Variants in AGBL4 observed in about 807,000 individuals in gnomAD.
AGBL4 encodes the protein cytosolic carboxypeptidase 6.
AGBL4 carries 58 observed loss-of-function variants against 66.4 expected under a neutral mutation model. The observed-to-expected ratio is 0.87, with a 90% CI of 0.71 to 1.09. The LOEUF is 1.09. AGBL4 is among the 50% of genes least tolerant of loss of function. The probability of loss-of-function intolerance (pLI) is 0.00; values close to 1 mark genes in which losing one functional copy is unlikely to be tolerated. For missense variants in AGBL4, 579 were observed against 631.0 expected (o/e 0.92, Z 0.88); for synonymous variants, 234 against 222.9 (o/e 1.05, Z -0.44).
intron 3 of AGBL4, among the ~76,000 whole-genome samples, chr1:49,265,972 G>T (rs1446592384): frequency 6.6e-6 from 1 of 152,076 alleles, no homozygotes; most frequent in Non-Finnish European, 1.5e-5. Context: ...AAAAAATGCT[G>T]AACAATCCTG....
At chr1:49,715,330 G>A (rs1276056572) in intron 2 of AGBL4, among the ~76,000 whole-genome samples, 4 of 152,148 alleles carry the variant, frequency 2.6e-5, no homozygotes, top group African/African-American at 9.7e-5. Flanking sequence ...ATTCTATGGT[G>A]TATATATGCC....
chr1:49,231,670 T>C (rs1430514361), intron 4 of AGBL4, among the ~76,000 whole-genome samples: 1 of 152,160 alleles, frequency 6.6e-6, no homozygotes, highest in African/African-American at 2.4e-5. Flanking sequence ...AACCCATACA[T>C]ACCACATTCA....
intron 3 of AGBL4, among the ~76,000 whole-genome samples, chr1:49,328,161 C>A (rs568838561): frequency 6.6e-6 from 1 of 152,090 alleles, no homozygotes; most frequent in Non-Finnish European, 1.5e-5. Context: ...TGAGGCCATG[C>A]CTTCCAAGAT....
Position 48,567,484 on chromosome 1 carries a change from G to A in AGBL4, c.1267+19520C>T, listed in dbSNP as rs754482460. On this transcript the variant is annotated intron_variant, in intron 11 of 13. Coordinates refer to ENST00000371839, the MANE Select transcript of AGBL4 (RefSeq NM_032785.4). Reference sequence around the variant, plus strand: ...GAGATGTTAATACAGAATAATCTAGGGGCAGCTCTCAAAGCTATAGCAGAG... The same window carrying A: ...GAGATGTTAATACAGAATAATCTAGAGGCAGCTCTCAAAGCTATAGCAGAG... 5.9e-5 allele frequency among the ~76,000 whole-genome samples: 9 copies of A among 152,274 alleles called. No individual in the cohort carries two copies. The South Asian group carries it at 1.9e-3, about 32-fold the overall frequency.
At chr1:49,882,477 G>A (rs532576372) in intron 1 of AGBL4, among the ~76,000 whole-genome samples, 4 of 151,588 alleles carry the variant, frequency 2.6e-5, no homozygotes, top group African/African-American at 9.7e-5. Flanking sequence ...ATTACCTTGG[G>A]CAGTATGGCC....
chr1:49,824,406 C>T lies in AGBL4; in HGVS notation c.157+26990G>A, dbSNP rs147609092. The stretch of plus-strand genomic sequence containing the variant: ...AGTTAACAAGTGTTTACTAACAATG[C>T]TAAGCTCTGTGTTTGAGCCTCACGA... On this transcript the variant is annotated intron_variant, in intron 2 of 13. Coordinates refer to ENST00000371839, the MANE Select transcript of AGBL4 (RefSeq NM_032785.4). Among the ~76,000 whole-genome samples, 340 of 152,292 alleles carry T rather than the reference C, an allele frequency of 2.2e-3. 4 individuals carry two copies. Among genetic ancestry groups the T allele is most frequent in the African/African-American group, 7.9e-3 (327 of 41,560 alleles).
Position 49,681,736 on chromosome 1 carries a change from A to T in AGBL4, c.282+15577T>A, listed in dbSNP as rs115406888. Among the ~76,000 whole-genome samples the T allele has an allele frequency of 2.6e-3, 397 of 152,320 alleles. 2 individuals are homozygous for T. The highest frequency in any genetic ancestry group is 8.8e-3 in the African/African-American group (364 of 41,574). ...CAGAAAGTCATAAAACAGTGTTTCT[A>T]CATTGCAAATTAAGGAAGCTACTCT... On this transcript the variant is annotated intron_variant, in intron 3 of 13. Transcript: ENST00000371839.
At chr1:49,618,100 T>C (rs1645284782) in intron 3 of AGBL4, among the ~76,000 whole-genome samples, 1 of 152,154 alleles carries the variant, frequency 6.6e-6, no homozygotes, top group Non-Finnish European at 1.5e-5. Flanking sequence ...TGAGAACATG[T>C]GGTGTTTGGT....
intron 6 of AGBL4, among the ~76,000 whole-genome samples, chr1:48,843,981 G>C (rs1646858580): frequency 6.6e-6 from 1 of 152,158 alleles, no homozygotes; most frequent in Non-Finnish European, 1.5e-5. Context: ...ACTCCTCACA[G>C]TCTTAGTGCA....
chr1:48,629,941 G>A (rs912406938), intron 9 of AGBL4, among the ~76,000 whole-genome samples: 5 of 152,174 alleles, frequency 3.3e-5, no homozygotes, highest in Non-Finnish European at 7.3e-5. Flanking sequence ...AGTCACAGAA[G>A]CTCTAGGTTC....
intron 1 of AGBL4, among the ~76,000 whole-genome samples, chr1:49,943,133 T>C (rs149039026): frequency 5.5e-4 from 83 of 152,148 alleles, no homozygotes; most frequent in African/African-American, 1.8e-3. Flanking sequence ...TCACAGCTGT[T>C]AGAATGGTTA....
At chr1:48,634,731 T>C in intron 8 of AGBL4, 127 bp from the exon 9 acceptor site, 1 of 618,724 alleles carries the variant, frequency 1.6e-6, no homozygotes. Context: ...TTCCAGAGAC[T>C]GTTCTAAGTA....
At chr1:50,011,534 T>C (rs1159507953) in intron 1 of AGBL4, among the ~76,000 whole-genome samples, 1 of 152,212 alleles carries the variant, frequency 6.6e-6, no homozygotes, top group Admixed American at 6.5e-5. Context: ...CTGCCGGGTA[T>C]ATAACCAAAA....
chr1:48,796,084 T>C (rs1048150416), intron 6 of AGBL4, among the ~76,000 whole-genome samples: 2 of 152,266 alleles, frequency 1.3e-5, no homozygotes, highest in African/African-American at 4.8e-5. Flanking sequence ...CTTTTACTTA[T>C]AGGTATTCAC....
rs372072747 is a variant in AGBL4, at chr1:49,906,740, C to CAT, written c.35-55223_35-55222insAT. Among the ~76,000 whole-genome samples, 423 of 152,004 alleles carry CAT rather than the reference C, an allele frequency of 2.8e-3. 3 individuals are homozygous for CAT. Among genetic ancestry groups the CAT allele is most frequent in the South Asian group, 9.8e-3 (47 of 4,812 alleles). ...TGTGTAAACTGCATATGTAAGTAAA[C>CAT]GTGTAAAGAAAGAAAATACTACTTT... is the stretch of plus-strand genomic sequence containing the variant. On this transcript the variant is annotated intron_variant, in intron 1 of 13. Transcript: ENST00000371839.
At chr1:49,246,002 G>A in intron 3 of AGBL4, 138 bp from the exon 4 acceptor site, 1 of 599,344 alleles carries the variant, frequency 1.7e-6, no homozygotes, top group Non-Finnish European at 2.9e-6. Flanking sequence ...AGTACACAGT[G>A]CTCATGAGAA....
rs1466723643 is a variant in AGBL4 at position 48,579,083 on chromosome 1, T to G, written c.1267+7921A>C. ...CTTTAGAGCCCTCTGCCAACCAAAC[T>G]TTTCCATTTGGATTTTACATAAGTC... On this transcript the variant is annotated intron_variant, in intron 11 of 13. Coordinates refer to ENST00000371839, the MANE Select transcript of AGBL4 (RefSeq NM_032785.4). Among the ~76,000 whole-genome samples, 2 of 152,144 alleles carry G rather than the reference T, an allele frequency of 1.3e-5. 1 individual carries two copies. The highest frequency in any genetic ancestry group is 3.9e-4 in the East Asian group (2 of 5,182).
At chr1:49,837,159 G>T (rs569722345) in intron 2 of AGBL4, among the ~76,000 whole-genome samples, 109 of 152,288 alleles carry the variant, frequency 7.2e-4, no homozygotes, top group African/African-American at 2.2e-3. Flanking sequence ...GCCCACAGCC[G>T]CCCCTTCCCC....
At chr1:49,811,064 G>C (rs1645091042) in intron 2 of AGBL4, among the ~76,000 whole-genome samples, 1 of 152,124 alleles carries the variant, frequency 6.6e-6, no homozygotes, top group Non-Finnish European at 1.5e-5. Context: ...AGAGCTTCAA[G>C]GTCTGGGACC....
Sources: allele counts gnomAD v4.1 joint callset (sites outside exome capture counted in the v4.1 genomes callset), GRCh38; gene constraint gnomAD v4.1.1; transcripts MANE v1.5; gene names NCBI Gene and HGNC (gene_info 2026-07-23, HGNC 2026-07-21).